ARHGAP31: variants seen among roughly 807,000 people sequenced by gnomAD.
ARHGAP31 encodes the protein rho GTPase-activating protein 31.
In ARHGAP31, 34 loss-of-function variants were observed where a neutral mutation model predicts 113.9. That is an observed-to-expected ratio of 0.30 (90% CI 0.23 to 0.40). ARHGAP31 has a LOEUF of 0.40. ARHGAP31 is among the 10% of genes least tolerant of loss of function. The pLI is 1.00. For missense variants in ARHGAP31, 1,548 were observed against 1,767.1 expected (o/e 0.88, Z 2.22); for synonymous variants, 650 against 684.8 (o/e 0.95, Z 0.79).
intron 8 of ARHGAP31, among the ~76,000 whole-genome samples, chr3:119,398,552 A>G (rs2080571626): frequency 1.3e-5 from 2 of 152,212 alleles, no homozygotes; most frequent in Admixed American, 6.5e-5. Context: ...ATTTTTACTC[A>G]TTTAAACCAC....
chr3:119,353,953 G>C (rs1257412184), intron 1 of ARHGAP31, among the ~76,000 whole-genome samples: 1 of 152,206 alleles, frequency 6.6e-6, no homozygotes, highest in Non-Finnish European at 1.5e-5. Flanking sequence ...GAGAATCGCT[G>C]TCATTGGGAA....
intron 2 of ARHGAP31, among the ~76,000 whole-genome samples, chr3:119,366,600 T>G (rs2080254014): frequency 6.6e-6 from 1 of 152,194 alleles, no homozygotes; most frequent in African/African-American, 2.4e-5. Flanking sequence ...ACACAGTACC[T>G]ACCACACAGT....
chr3:119,369,891 T>C lies in ARHGAP31; in HGVS notation c.348+1375T>C, dbSNP rs74494164. Reference sequence around the variant, plus strand: ...ACAACAAAACCATCTTCTGGTTATATATACTTAAAGAATTTAAAAAAGGAA... The same window carrying C: ...ACAACAAAACCATCTTCTGGTTATACATACTTAAAGAATTTAAAAAAGGAA... On this transcript the variant is annotated intron_variant, in intron 3 of 11. Transcript: ENST00000264245. Among the ~76,000 whole-genome samples, 1,247 of 151,812 alleles carry C rather than the reference T, an allele frequency of 8.2e-3. 39 individuals carry two copies. In the East Asian group the frequency reaches 0.11, roughly 13 times the overall value.
At chr3:119,323,082 C>A (rs1559966530) in intron 1 of ARHGAP31, among the ~76,000 whole-genome samples, 3 of 152,220 alleles carry the variant, frequency 2.0e-5, no homozygotes, top group Non-Finnish European at 2.9e-5. Context: ...GGCGCTGACT[C>A]TGCTCTGCGC....
Position 119,416,226 on chromosome 3 carries a change from G to A in ARHGAP31, c.4297G>A (p.Val1433Ile), listed in dbSNP as rs2080776652. Residue 1433 changes from valine to isoleucine, a missense_variant, in exon 12 of 12, where the codon GTA (valine) becomes ATA (isoleucine). Transcript: ENST00000264245. ...SCFYQPQRRS[V>I]ILDGRSGRQI... ...TTTTTACCAGCCTCAGCGGAGATCA[G>A]TAATTCTGGATGGAAGAAGTGGGAG... is the stretch of plus-strand genomic sequence containing the variant. The A allele has an allele frequency of 6.2e-7, 1 of 1,614,214 alleles. No homozygotes were observed. Among genetic ancestry groups the A allele is most frequent in the Non-Finnish European group, 8.5e-7 (1 of 1,180,040 alleles).
intron 8 of ARHGAP31, among the ~76,000 whole-genome samples, chr3:119,394,454 T>C (rs1038515733): frequency 1.3e-5 from 2 of 152,116 alleles, no homozygotes; most frequent in African/African-American, 4.8e-5. Flanking sequence ...GAGGGAACCA[T>C]ATATAGTGGG....
intron 3 of ARHGAP31, among the ~76,000 whole-genome samples, chr3:119,377,109 C>G (rs746571932): frequency 3.9e-5 from 6 of 152,236 alleles, no homozygotes; most frequent in Non-Finnish European, 7.3e-5. Flanking sequence ...AATATTGACT[C>G]ATTCACTTAC....
At chr3:119,378,830 G>A (rs2080371654) in intron 3 of ARHGAP31, among the ~76,000 whole-genome samples, 1 of 152,190 alleles carries the variant, frequency 6.6e-6, no homozygotes, top group African/African-American at 2.4e-5. Context: ...GGGCTTACTG[G>A]AAGCCCCATT....
intron 3 of ARHGAP31, among the ~76,000 whole-genome samples, chr3:119,378,035 A>G (rs2080363657): frequency 6.6e-6 from 1 of 152,120 alleles, no homozygotes; most frequent in Non-Finnish European, 1.5e-5. Context: ...ACAAGAGCCC[A>G]GCCTCTGCCA....
chr3:119,363,971 C>T (rs2080232064), intron 1 of ARHGAP31, among the ~76,000 whole-genome samples: 1 of 152,150 alleles, frequency 6.6e-6, no homozygotes, highest in Non-Finnish European at 1.5e-5. Context: ...CAGAGGGGAA[C>T]TCAAGTGCAT....
chr3:119,350,666 T>C (rs1053075905), intron 1 of ARHGAP31, among the ~76,000 whole-genome samples: 11 of 151,950 alleles, frequency 7.2e-5, no homozygotes, highest in African/African-American at 2.7e-4. Flanking sequence ...CCCGTAAAAA[T>C]AAAAATAGCC....
rs377513782 is a variant in ARHGAP31, at chr3:119,414,622, C to T, written c.2693C>T (p.Ala898Val). ...GAAGATGACACTGTGACAGACATTG[C>T]CCAGCATGGCCTGGAGATGGTGGAG... The part of the protein sequence containing the change: ...CDEDDTVTDI[A>V]QHGLEMVEPW... The change falls in exon 12 of 12, where the codon GCC becomes GTC. Residue 898 changes from alanine to valine, a missense_variant. Ala to Val is a moderately conservative substitution (Grantham distance 64, BLOSUM62 0). Coordinates refer to ENST00000264245, the MANE Select transcript of ARHGAP31 (RefSeq NM_020754.4). 2.6e-5 allele frequency: 42 copies of T among 1,614,086 alleles called. No individual in the cohort carries two copies. Among genetic ancestry groups the T allele is most frequent in the Non-Finnish European group, 3.5e-5 (41 of 1,180,040 alleles).
Position 119,402,012 on chromosome 3 carries a change from C to T in ARHGAP31, c.1260C>T (p.Leu420=), listed in dbSNP as rs1394304012. The part of the protein sequence containing the change: ...GFDVSSDRSH[L]QGAQARPPPE... ...ATGTGAGCAGTGATCGCAGCCATCT[C>T]CAGGGCGCTCAGGCCCGGCCCCCAC... is the stretch of plus-strand genomic sequence containing the variant. The change falls in exon 10 of 12, where the codon CTC becomes CTT. Residue 420 remains leucine (L), a synonymous_variant. Coordinates refer to ENST00000264245, the MANE Select transcript of ARHGAP31 (RefSeq NM_020754.4). The T allele has an allele frequency of 6.2e-7, 1 of 1,614,040 alleles. No homozygotes were observed. The highest frequency in any genetic ancestry group is 1.3e-5 in the African/African-American group (1 of 74,916).
intron 9 of ARHGAP31, among the ~76,000 whole-genome samples, chr3:119,400,939 G>A (rs1473502176): frequency 6.6e-6 from 1 of 152,154 alleles, no homozygotes; most frequent in East Asian, 1.9e-4. Context: ...GGGAGGCCGA[G>A]GCAGGCAGAT....
intron 1 of ARHGAP31, among the ~76,000 whole-genome samples, chr3:119,337,271 G>C (rs1005642051): frequency 3.3e-5 from 5 of 152,294 alleles, no homozygotes; most frequent in African/African-American, 1.2e-4. Flanking sequence ...TGGTCTTACA[G>C]ACGTCAGGAG....
chr3:119,310,836 GC>G (rs2079673508), intron 1 of ARHGAP31, among the ~76,000 whole-genome samples: 1 of 152,180 alleles, frequency 6.6e-6, no homozygotes, highest in Admixed American at 6.5e-5. Flanking sequence ...ACTACCAACT[GC>G]TTTTTTTTAA....
At chr3:119,392,559 T>G (rs747958401) in intron 7 of ARHGAP31, among the ~76,000 whole-genome samples, 1 of 152,238 alleles carries the variant, frequency 6.6e-6, no homozygotes, top group African/African-American at 2.4e-5. Context: ...GTTTTCATCC[T>G]GAAACTTCAT....
chr3:119,403,506 A>C (rs1202693523), intron 10 of ARHGAP31, among the ~76,000 whole-genome samples: 3 of 152,212 alleles, frequency 2.0e-5, no homozygotes, highest in Non-Finnish European at 4.4e-5. Context: ...AAAACTAAGA[A>C]GGGAAATTGA....
chr3:119,403,686 G>A (rs112418516), intron 10 of ARHGAP31, among the ~76,000 whole-genome samples: 2,088 of 152,282 alleles, frequency 0.014, 17 homozygotes, highest in Non-Finnish European at 0.024. Context: ...AGGATTCCAG[G>A]AAGATTTAGA....
Sources: allele counts gnomAD v4.1 joint callset (sites outside exome capture counted in the v4.1 genomes callset), GRCh38; gene constraint gnomAD v4.1.1; transcripts MANE v1.5; gene names NCBI Gene and HGNC (gene_info 2026-07-23, HGNC 2026-07-21).